CACNA2D3: variants seen among roughly 807,000 people sequenced by gnomAD.
CACNA2D3 encodes calcium voltage-gated channel auxiliary subunit alpha2delta 3, also known as voltage-dependent calcium channel subunit alpha-2/delta-3.
CACNA2D3 carries 60 observed loss-of-function variants against 160.6 expected under a neutral mutation model. That is an observed-to-expected ratio of 0.37 (90% CI 0.30 to 0.46). The LOEUF (loss-of-function observed/expected upper bound fraction) is 0.46, where lower values mean the gene tolerates loss of function less well. Ranked by LOEUF, CACNA2D3 falls within the 20% of genes least tolerant of loss-of-function variation. The pLI is 1.00. For missense variants in CACNA2D3, 1,205 were observed against 1,365.0 expected (o/e 0.88, Z 1.85); for synonymous variants, 558 against 492.9 (o/e 1.13, Z -1.75).
intron 27 of CACNA2D3, among the ~76,000 whole-genome samples, chr3:54,953,622 A>G (rs1701811759): frequency 6.6e-6 from 1 of 152,218 alleles, no homozygotes; most frequent in African/African-American, 2.4e-5. Context: ...TCTATTTTAA[A>G]GACTTCTGTC....
intron 2 of CACNA2D3, among the ~76,000 whole-genome samples, chr3:54,198,215 C>T (rs936653188): frequency 5.9e-5 from 9 of 152,238 alleles, no homozygotes; most frequent in African/African-American, 1.9e-4. Flanking sequence ...AGCCCCCATC[C>T]TCTAATAGGC....
At chr3:54,810,255 G>A (rs1229804863) in intron 13 of CACNA2D3, among the ~76,000 whole-genome samples, 2 of 152,188 alleles carry the variant, frequency 1.3e-5, no homozygotes, top group African/African-American at 4.8e-5. Context: ...TGTAAAGGAA[G>A]GATTGGATTG....
In CACNA2D3 at chr3:54,289,355, A is replaced by G. The variant is rs375739433; in HGVS notation, c.205-31087A>G. Among the ~76,000 whole-genome samples, 345 of 152,118 alleles carry G rather than the reference A, an allele frequency of 2.3e-3. 3 individuals are homozygous for G. The highest frequency in any genetic ancestry group is 7.1e-3 in the African/African-American group (294 of 41,472). On this transcript the variant is annotated intron_variant, in intron 2 of 37. Coordinates refer to ENST00000474759, the MANE Select transcript of CACNA2D3 (RefSeq NM_018398.3). ...CCTAGGAATCCAACTTACAAGGGAC[A>G]TGAAGGACCTCTTCAAGGAGAACTA...
chr3:54,293,958 G>T (rs985916849), intron 2 of CACNA2D3, among the ~76,000 whole-genome samples: 4 of 152,162 alleles, frequency 2.6e-5, no homozygotes, highest in Non-Finnish European at 5.9e-5. Flanking sequence ...ATGCATGCTT[G>T]GGGGTAGTGG....
intron 11 of CACNA2D3, among the ~76,000 whole-genome samples, chr3:54,751,619 C>T (rs1450555009): frequency 6.6e-6 from 1 of 152,150 alleles, no homozygotes; most frequent in Non-Finnish European, 1.5e-5. Flanking sequence ...AAAATGCTAG[C>T]TAACCACAAT....
intron 5 of CACNA2D3, among the ~76,000 whole-genome samples, chr3:54,536,252 C>G (rs2106651955): frequency 6.6e-6 from 1 of 152,318 alleles, no homozygotes; most frequent in African/African-American, 2.4e-5. Flanking sequence ...ATAAAATAGA[C>G]TGGCATTTAT....
intron 4 of CACNA2D3, among the ~76,000 whole-genome samples, chr3:54,502,444 T>C (rs992892212): frequency 1.3e-5 from 2 of 152,260 alleles, no homozygotes; most frequent in Non-Finnish European, 2.9e-5. Flanking sequence ...TCTGTTACAA[T>C]GTTTTTGATT....
chr3:54,741,411 G>T lies in CACNA2D3; in HGVS notation c.1168-11188G>T, dbSNP rs181149725. On this transcript the variant is annotated intron_variant, in intron 11 of 37. Transcript: ENST00000474759. ...TGATCCATTTCACAACATCATTCTGGTTCTATGATGTTGACCAATTTACAA... is the reference window on the plus strand; with the variant it reads ...TGATCCATTTCACAACATCATTCTGTTTCTATGATGTTGACCAATTTACAA... 5.9e-5 allele frequency among the ~76,000 whole-genome samples: 9 copies of T among 152,058 alleles called. No individual in the cohort carries two copies. In the East Asian group the frequency reaches 1.2e-3, roughly 20 times the overall value.
At chr3:54,264,322 T>C (rs1702463353) in intron 2 of CACNA2D3, among the ~76,000 whole-genome samples, 1 of 152,204 alleles carries the variant, frequency 6.6e-6, no homozygotes, top group Non-Finnish European at 1.5e-5. Flanking sequence ...ATATTGAATG[T>C]GTCTTGTGTA....
At chr3:54,787,081 T>G (rs1207276039) in intron 13 of CACNA2D3, among the ~76,000 whole-genome samples, 2 of 152,236 alleles carry the variant, frequency 1.3e-5, no homozygotes, top group Non-Finnish European at 2.9e-5. Flanking sequence ...GTTTCAGAGC[T>G]TTTCCCTTCT....
chr3:54,866,137 C>G (rs1410894596), intron 17 of CACNA2D3, among the ~76,000 whole-genome samples: 1 of 151,946 alleles, frequency 6.6e-6, no homozygotes, highest in African/African-American at 2.4e-5. Context: ...CCCTCCAAGG[C>G]TTGCCCAGGC....
intron 26 of CACNA2D3, 128 bp downstream of exon 26, chr3:54,896,998 A>G: frequency 1.7e-6 from 2 of 1,175,640 alleles, no homozygotes; most frequent in Non-Finnish European, 2.5e-6. Flanking sequence ...CCAGTGCTGA[A>G]TATTGGGTCA....
At chr3:54,403,365 A>G (rs1361511924) in intron 4 of CACNA2D3, among the ~76,000 whole-genome samples, 2 of 144,116 alleles carry the variant, frequency 1.4e-5, no homozygotes, top group East Asian at 3.9e-4. Context: ...AAACACACAC[A>G]CACACACACA....
intron 27 of CACNA2D3, among the ~76,000 whole-genome samples, chr3:54,943,992 C>T (rs1387993066): frequency 6.6e-6 from 1 of 152,218 alleles, no homozygotes; most frequent in Non-Finnish European, 1.5e-5. Flanking sequence ...TCCATGCCTT[C>T]GTTTCCTAAC....
At chr3:54,911,031 A>G (rs1310329952) in intron 27 of CACNA2D3, among the ~76,000 whole-genome samples, 1 of 152,092 alleles carries the variant, frequency 6.6e-6, no homozygotes, top group Non-Finnish European at 1.5e-5. Flanking sequence ...GTGTCCTTCA[A>G]TTTGCCAATC....
intron 10 of CACNA2D3, among the ~76,000 whole-genome samples, chr3:54,629,040 C>T (rs1187097625): frequency 6.6e-6 from 1 of 152,040 alleles, no homozygotes; most frequent in Non-Finnish European, 1.5e-5. Flanking sequence ...CTTCCTTTCC[C>T]CTTTGTATGA....
At chr3:54,803,058 G>A in intron 13 of CACNA2D3, among the ~76,000 whole-genome samples, 1 of 152,166 alleles carries the variant, frequency 6.6e-6, no homozygotes. Flanking sequence ...AAACCCATCT[G>A]TACGTCACCA....
chr3:54,924,186 T>C (rs530827905), intron 27 of CACNA2D3, among the ~76,000 whole-genome samples: 1 of 152,228 alleles, frequency 6.6e-6, no homozygotes, highest in East Asian at 1.9e-4. Context: ...TAGAAAAGAA[T>C]TACAGTTGTC....
chr3:54,620,732 G>A (rs1297788893), intron 9 of CACNA2D3, among the ~76,000 whole-genome samples: 1 of 152,162 alleles, frequency 6.6e-6, no homozygotes, highest in Non-Finnish European at 1.5e-5. Context: ...GACGTAGAGA[G>A]CTGGGCCCTG....
Sources: allele counts gnomAD v4.1 joint callset (sites outside exome capture counted in the v4.1 genomes callset), GRCh38; gene constraint gnomAD v4.1.1; transcripts MANE v1.5; gene names NCBI Gene and HGNC (gene_info 2026-07-23, HGNC 2026-07-21).